The following CTNNA2 variants were observed in gnomAD, a reference collection of about 807,000 sequenced individuals.
CTNNA2 encodes the protein catenin alpha-2.
CTNNA2 carries 42 observed loss-of-function variants against 101.0 expected under a neutral mutation model. The observed-to-expected ratio is 0.42, with a 90% CI of 0.32 to 0.54. The LOEUF is 0.54. Among genes scored for constraint, CTNNA2 ranks in the 20% least tolerant of loss-of-function variants. The pLI, the probability that CTNNA2 is intolerant of heterozygous loss-of-function variation, is 0.14. For missense variants in CTNNA2, 871 were observed against 1,223.1 expected, an observed-to-expected ratio of 0.71 and a Z score of 4.29; for synonymous variants, 450 against 456.4, an observed-to-expected ratio of 0.99 and a Z score of 0.18.
chr2:80,264,787 G>A (rs1447872193), intron 7 of CTNNA2, among the ~76,000 whole-genome samples: 1 of 152,084 alleles, frequency 6.6e-6, no homozygotes, highest in African/African-American at 2.4e-5. Context: ...CACAAAGATA[G>A]CAATATTAAT....
chr2:80,484,099 A>G (rs1686357515), intron 9 of CTNNA2, among the ~76,000 whole-genome samples: 1 of 152,194 alleles, frequency 6.6e-6, no homozygotes, highest in Non-Finnish European at 1.5e-5. Flanking sequence ...TGAGTTAGAA[A>G]TAAAGTACCA....
chr2:80,218,955 A>G (rs1276702524), intron 7 of CTNNA2, among the ~76,000 whole-genome samples: 1 of 152,226 alleles, frequency 6.6e-6, no homozygotes, highest in Non-Finnish European at 1.5e-5. Context: ...ACCTCAATTT[A>G]ATGTTATGTA....
At chr2:79,830,965 G>T (rs1478609308) in intron 3 of CTNNA2, among the ~76,000 whole-genome samples, 2 of 152,116 alleles carry the variant, frequency 1.3e-5, no homozygotes, top group Non-Finnish European at 2.9e-5. Flanking sequence ...ATTGAAAAAG[G>T]TGCTAGTGGT....
intron 3 of CTNNA2, among the ~76,000 whole-genome samples, chr2:79,763,790 T>C (rs1672959032): frequency 6.6e-6 from 1 of 152,246 alleles, no homozygotes; most frequent in Admixed American, 6.5e-5. Flanking sequence ...CCTAGAAGTT[T>C]CCCCTTGGAT....
intron 7 of CTNNA2, among the ~76,000 whole-genome samples, chr2:80,212,974 C>T (rs572299073): frequency 1.3e-5 from 2 of 152,174 alleles, no homozygotes; most frequent in Admixed American, 1.3e-4. Flanking sequence ...TTATCCATTT[C>T]TTCTAGATTT....
intron 3 of CTNNA2, among the ~76,000 whole-genome samples, chr2:79,765,897 C>T (rs1188183030): frequency 1.3e-5 from 2 of 152,172 alleles, no homozygotes; most frequent in East Asian, 3.9e-4. Context: ...ATTATAATTA[C>T]TCTGAGTATG....
intron 3 of CTNNA2, among the ~76,000 whole-genome samples, chr2:79,803,513 C>G (rs1003297001): frequency 6.6e-6 from 1 of 152,264 alleles, no homozygotes; most frequent in African/African-American, 2.4e-5. Flanking sequence ...GGGACACGCT[C>G]TTAAGGCACA....
chr2:79,354,753 C>A (rs141646172), intron 3 of CTNNA2, among the ~76,000 whole-genome samples: 308 of 152,292 alleles, frequency 2.0e-3, no homozygotes, highest in African/African-American at 7.3e-3. Context: ...AATTGCCCTG[C>A]AGTTGCTCCA....
chr2:80,548,191 A>G (rs1297861456), intron 11 of CTNNA2, among the ~76,000 whole-genome samples: 3 of 152,062 alleles, frequency 2.0e-5, no homozygotes, highest in Non-Finnish European at 2.9e-5. Context: ...TTTTTCCAGG[A>G]TAACTATGGT....
At chr2:79,740,168 C>A (rs1231193466) in intron 2 of CTNNA2, among the ~76,000 whole-genome samples, 1 of 152,142 alleles carries the variant, frequency 6.6e-6, no homozygotes, top group Non-Finnish European at 1.5e-5. Flanking sequence ...CTCCTCCCAA[C>A]CTCTACCCTC....
intron 4 of CTNNA2, among the ~76,000 whole-genome samples, chr2:79,397,251 G>A (rs996107832): frequency 2.6e-5 from 4 of 151,920 alleles, no homozygotes; most frequent in Non-Finnish European, 4.4e-5. Context: ...AATTATTTTG[G>A]AATATACAAA....
chr2:80,003,043 A>G (rs1693071716), intron 7 of CTNNA2, among the ~76,000 whole-genome samples: 1 of 152,154 alleles, frequency 6.6e-6, no homozygotes, highest in African/African-American at 2.4e-5. Flanking sequence ...ACGTGTTTTA[A>G]AAGCCTTACC....
chr2:79,267,593 G>A (rs531507317), intron 2 of CTNNA2, among the ~76,000 whole-genome samples: 1 of 152,128 alleles, frequency 6.6e-6, no homozygotes, highest in Non-Finnish European at 1.5e-5. Context: ...GTAAAGGTAG[G>A]CCTTCTCTCT....
intron 9 of CTNNA2, among the ~76,000 whole-genome samples, chr2:80,435,727 G>A (rs1681967076): frequency 4.6e-5 from 7 of 152,282 alleles, no homozygotes; most frequent in Admixed American, 4.6e-4. Flanking sequence ...CAACCACAGA[G>A]CGGACATAGT....
chr2:80,459,305 C>A (rs530035755), intron 9 of CTNNA2, among the ~76,000 whole-genome samples: 1 of 152,070 alleles, frequency 6.6e-6, no homozygotes, highest in African/African-American at 2.4e-5. Flanking sequence ...TTTTAATGTG[C>A]CTCCAGGCTA....
intron 2 of CTNNA2, among the ~76,000 whole-genome samples, chr2:79,204,245 CA>C (rs1319882619): frequency 1.3e-5 from 2 of 152,242 alleles, no homozygotes; most frequent in Non-Finnish European, 2.9e-5. Flanking sequence ...AGCTGCAGCT[CA>C]GGAATGCCAC....
intron 3 of CTNNA2, among the ~76,000 whole-genome samples, chr2:79,769,272 G>T (rs1458003475): frequency 1.3e-5 from 2 of 152,096 alleles, no homozygotes; most frequent in African/African-American, 2.4e-5. Context: ...GTGTTGCTCT[G>T]TTAGCAGGTT....
intron 7 of CTNNA2, among the ~76,000 whole-genome samples, chr2:80,018,746 A>ACT (rs1694336163): frequency 1.3e-5 from 2 of 148,182 alleles, no homozygotes; most frequent in African/African-American, 2.5e-5. Context: ...GTGCCACTGC[A>ACT]CTCCAGCCTG....
At chr2:80,410,248 T>G (rs1026123394) in intron 8 of CTNNA2, among the ~76,000 whole-genome samples, 1 of 152,250 alleles carries the variant, frequency 6.6e-6, no homozygotes, top group Non-Finnish European at 1.5e-5. Flanking sequence ...TTTTTCTTTT[T>G]GAGTTAGTGA....
Sources: gnomAD v4.1 joint callset for allele counts (sites outside exome capture counted in the v4.1 genomes callset) on GRCh38, gnomAD v4.1.1 for gene constraint, MANE v1.5 for transcripts, NCBI Gene and HGNC (gene_info 2026-07-23, HGNC 2026-07-21) for gene names.